The following TMEM132D variants were observed in gnomAD, a reference collection of about 807,000 sequenced individuals.
TMEM132D encodes the protein mature OL transmembrane protein.
A neutral mutation model predicts 62.3 loss-of-function variants in TMEM132D; 21 were observed. The observed-to-expected ratio is 0.34, with a 90% CI of 0.24 to 0.49. TMEM132D has a LOEUF of 0.49. Ranked by LOEUF, TMEM132D falls within the 20% of genes least tolerant of loss-of-function variation. The pLI, the probability that TMEM132D is intolerant of heterozygous loss-of-function variation, is 0.99. For missense variants in TMEM132D, 1,346 were observed against 1,402.8 expected (o/e 0.96, Z 0.65); for synonymous variants, 621 against 575.6 (o/e 1.08, Z -1.13).
At chr12:129,767,808 A>G (rs1800755614) in intron 1 of TMEM132D, among the ~76,000 whole-genome samples, 1 of 152,080 alleles carries the variant, frequency 6.6e-6, no homozygotes, top group Admixed American at 6.5e-5. Flanking sequence ...CGCTGCTGAT[A>G]AAGACATAAA....
At chr12:129,651,564 G>T (rs1433928134) in intron 2 of TMEM132D, among the ~76,000 whole-genome samples, 1 of 152,208 alleles carries the variant, frequency 6.6e-6, no homozygotes, top group Non-Finnish European at 1.5e-5. Context: ...GTCTGAAAGA[G>T]CACCTAGTGG....
intron 3 of TMEM132D, among the ~76,000 whole-genome samples, chr12:129,392,695 T>C (rs1871319595): frequency 6.6e-6 from 1 of 152,176 alleles, no homozygotes; most frequent in African/African-American, 2.4e-5. Flanking sequence ...CCCACCACCC[T>C]TGATGGAACA....
chr12:129,178,208 T>G (rs1038285050), intron 5 of TMEM132D, among the ~76,000 whole-genome samples: 2 of 152,216 alleles, frequency 1.3e-5, no homozygotes, highest in African/African-American at 4.8e-5. Flanking sequence ...TCTTTGCTAT[T>G]GTGAATAGTG....
In TMEM132D at chr12:129,384,639, C is replaced by T. The variant is rs375364392; in HGVS notation, c.1116-46822G>A. 3.9e-5 allele frequency among the ~76,000 whole-genome samples: 6 copies of T among 152,242 alleles called. No individual in the cohort carries two copies. The South Asian group carries it at 6.2e-4, about 16-fold the overall frequency. ...TCTTCCCAAGCTAAGCCCCTGGCTACTCCAAGTGTGGTCCATGGGCCAGCA... is the reference window on the plus strand; with the variant it reads ...TCTTCCCAAGCTAAGCCCCTGGCTATTCCAAGTGTGGTCCATGGGCCAGCA... On this transcript the variant is annotated intron_variant, in intron 3 of 8. Transcript: ENST00000422113.
At chr12:129,376,248 C>A (rs1158566646) in intron 3 of TMEM132D, among the ~76,000 whole-genome samples, 1 of 152,106 alleles carries the variant, frequency 6.6e-6, no homozygotes, top group Non-Finnish European at 1.5e-5. Context: ...CTGGGTGATG[C>A]ATAAAGGAAA....
intron 1 of TMEM132D, among the ~76,000 whole-genome samples, chr12:129,754,938 A>C (rs1340882533): frequency 6.6e-6 from 1 of 152,190 alleles, no homozygotes; most frequent in African/African-American, 2.4e-5. Flanking sequence ...TGTCACCACT[A>C]CCACACGGTG....
chr12:129,200,357 C>T (rs1408094985), intron 5 of TMEM132D, among the ~76,000 whole-genome samples: 1 of 152,198 alleles, frequency 6.6e-6, no homozygotes, highest in African/African-American at 2.4e-5. Flanking sequence ...AAGTGCATCT[C>T]TTGTGTTAGT....
At chr12:129,214,088 G>C (rs1879135288) in intron 4 of TMEM132D, among the ~76,000 whole-genome samples, 1 of 152,158 alleles carries the variant, frequency 6.6e-6, no homozygotes. Flanking sequence ...AGACAAAACA[G>C]ACTTCTACTA....
At chr12:129,902,759 A>G (rs1875402214) in intron 1 of TMEM132D, among the ~76,000 whole-genome samples, 1 of 151,916 alleles carries the variant, frequency 6.6e-6, no homozygotes, top group Admixed American at 6.6e-5. Flanking sequence ...CCCAGGCTAT[A>G]TTTTTGGCAG....
intron 4 of TMEM132D, among the ~76,000 whole-genome samples, chr12:129,332,587 G>C (rs1869144289): frequency 6.6e-6 from 1 of 152,132 alleles, no homozygotes. Context: ...TACTTACTTA[G>C]TTGTGCTGTG....
chr12:129,869,637 G>A (rs1874179207), intron 1 of TMEM132D, among the ~76,000 whole-genome samples: 1 of 152,176 alleles, frequency 6.6e-6, no homozygotes, highest in South Asian at 2.1e-4. Flanking sequence ...ACAGAGCACT[G>A]TCTGGAAAGT....
chr12:129,244,535 C>A (rs867603036), intron 4 of TMEM132D, among the ~76,000 whole-genome samples: 29 of 152,336 alleles, frequency 1.9e-4, no homozygotes, highest in African/African-American at 6.7e-4. Context: ...AACACCCATG[C>A]AAAGGCCTTG....
At chr12:129,260,555 T>A (rs1207428632) in intron 4 of TMEM132D, among the ~76,000 whole-genome samples, 1 of 152,204 alleles carries the variant, frequency 6.6e-6, no homozygotes, top group Non-Finnish European at 1.5e-5. Context: ...GTACAGGTGG[T>A]TTTTGGTTAC....
chr12:129,554,584 C>T (rs928835268), intron 2 of TMEM132D, among the ~76,000 whole-genome samples: 4 of 152,154 alleles, frequency 2.6e-5, no homozygotes, highest in South Asian at 2.1e-4. Flanking sequence ...TTAGACAACC[C>T]TCTCTTCTGA....
intron 5 of TMEM132D, among the ~76,000 whole-genome samples, chr12:129,165,895 G>A (rs116869452): frequency 0.011 from 1,724 of 152,288 alleles, 11 homozygotes; most frequent in Non-Finnish European, 0.018. Context: ...TGATGCTCTC[G>A]ATAAGAATAA....
chr12:129,781,252 T>C (rs1262354371), intron 1 of TMEM132D, among the ~76,000 whole-genome samples: 2 of 152,136 alleles, frequency 1.3e-5, no homozygotes, highest in Non-Finnish European at 2.9e-5. Flanking sequence ...TGTCTTAATC[T>C]ATGGTTGCGT....
chr12:129,219,314 C>A (rs1174372564), intron 4 of TMEM132D, among the ~76,000 whole-genome samples: 1 of 152,178 alleles, frequency 6.6e-6, no homozygotes, highest in Non-Finnish European at 1.5e-5. Flanking sequence ...TGCCTGCCAC[C>A]ATGTAAGACA....
chr12:129,513,672 A>G (rs1875565185), intron 3 of TMEM132D, among the ~76,000 whole-genome samples: 1 of 150,440 alleles, frequency 6.6e-6, no homozygotes, highest in Non-Finnish European at 1.5e-5. Context: ...TTTTTAGTAG[A>G]GACGGGGTTT....
At chr12:129,350,498 A>C (rs1869829563) in intron 3 of TMEM132D, among the ~76,000 whole-genome samples, 1 of 152,222 alleles carries the variant, frequency 6.6e-6, no homozygotes, top group Non-Finnish European at 1.5e-5. Context: ...CCCGTGAGCC[A>C]ATCAGTGACC....
Sources: gnomAD v4.1 joint callset for allele counts (sites outside exome capture counted in the v4.1 genomes callset) on GRCh38, gnomAD v4.1.1 for gene constraint, MANE v1.5 for transcripts, NCBI Gene and HGNC (gene_info 2026-07-23, HGNC 2026-07-21) for gene names.